Variants in FAM20A observed in about 807,000 individuals in gnomAD.
FAM20A encodes pseudokinase FAM20A.
In FAM20A, 42 loss-of-function variants were observed where a neutral mutation model predicts 52.0. That is an observed-to-expected ratio of 0.81 (90% CI 0.63 to 1.04). The LOEUF (loss-of-function observed/expected upper bound fraction) is 1.04. FAM20A is among the 50% of genes least tolerant of loss of function. The probability of loss-of-function intolerance (pLI) is 0.00; values close to 1 mark genes in which losing one functional copy is unlikely to be tolerated. For missense variants in FAM20A, 742 were observed against 712.7 expected (o/e 1.04, Z -0.47); for synonymous variants, 304 against 298.9 (o/e 1.02, Z -0.18).
intron 1 of FAM20A, among the ~76,000 whole-genome samples, chr17:68,584,178 G>A (rs2088097775): frequency 6.6e-6 from 1 of 152,022 alleles, no homozygotes; most frequent in Admixed American, 6.6e-5. Flanking sequence ...TTAGCCAGGT[G>A]TGGTGGCACA....
In FAM20A at chr17:68,600,814, C is replaced by T. The variant is rs1011106211; in HGVS notation, c.-148G>A. On this transcript the variant is annotated 5_prime_UTR_variant, in exon 1 of 11. Transcript: ENST00000592554. This position sits in a 1 kb window ranked among gnomAD's most constrained non-coding sequence, Gnocchi z 6.2. ...CGGAATGCTCCCCGCGCGGGCTAGT[C>T]CCCTGTGGAGGGGTGTCGCTCCTCA... 43 of 854,682 alleles carry T rather than the reference C, an allele frequency of 5.0e-5. No individual in the cohort carries two copies. The highest frequency in any genetic ancestry group is 6.9e-5 in the Non-Finnish European group (40 of 575,614). The allele number at this position is 854,682 out of a possible 1,614,324, so 52.9% of individuals were successfully genotyped here.
At position 68,542,011 on chromosome 17, in the gene FAM20A, G is replaced by A. The variant is rs988700784; in HGVS notation, c.1083C>T (p.Arg361=). The A allele has an allele frequency of 6.2e-7, 1 of 1,614,062 alleles. No individual in the cohort carries two copies. The highest frequency in any genetic ancestry group is 8.5e-7 in the Non-Finnish European group (1 of 1,179,964). ...PRLSVPNPWI[R]SYTLAGKEEW... The stretch of plus-strand genomic sequence containing the variant: ...CCTCTTTTCCTGCCAGTGTGTAGGA[G>A]CGGATCCAGGGGTTGGGCACAGACA... Residue 361 remains arginine, a synonymous_variant, in exon 7 of 11, where the codon CGC becomes CGT. Coordinates refer to ENST00000592554, the MANE Select transcript of FAM20A (RefSeq NM_017565.4).
chr17:68,540,010 G>A, intron 8 of FAM20A, 44 bp from the exon 9 acceptor site: 1 of 1,566,110 alleles, frequency 6.4e-7, no homozygotes, highest in Non-Finnish European at 8.8e-7. Flanking sequence ...CAGGCCAGGG[G>A]GACAGGTGCT....
chr17:68,600,706 G>A lies in FAM20A; in HGVS notation c.-40C>T, dbSNP rs1469526713. 1.3e-6 allele frequency: 2 copies of A among 1,524,486 alleles called. No individual in the cohort carries two copies. Among genetic ancestry groups the A allele is most frequent in the African/African-American group, 2.8e-5 (2 of 72,076 alleles). 94.4% of individuals were successfully genotyped at this position (1,524,486 alleles called of 1,614,324 possible). ...GGGGGACGCCGGGGGCAGGCCGGCT[G>A]TCTCCGGGGTCCCGGGAGGGGTCGC... On this transcript the variant is annotated 5_prime_UTR_variant, in exon 1 of 11. Coordinates refer to ENST00000592554, the MANE Select transcript of FAM20A (RefSeq NM_017565.4). The surrounding 1 kb of genome is among the most constrained non-coding windows in gnomAD (Gnocchi z 6.2).
intron 4 of FAM20A, chr17:68,551,138 A>T (rs1361748864): frequency 8.1e-7 from 1 of 1,233,642 alleles, no homozygotes; most frequent in African/African-American, 1.6e-5. Flanking sequence ...ACTGGGGCCG[A>T]ACTCTAGGAG....
chr17:68,597,043 G>T (rs2088472381), intron 1 of FAM20A, among the ~76,000 whole-genome samples: 1 of 152,070 alleles, frequency 6.6e-6, no homozygotes, highest in African/African-American at 2.4e-5. Flanking sequence ...AAAAACCCAA[G>T]ACATTCAAAA....
At chr17:68,570,458 T>C (rs2087507340) in intron 1 of FAM20A, among the ~76,000 whole-genome samples, 2 of 152,218 alleles carry the variant, frequency 1.3e-5, no homozygotes, top group Admixed American at 6.5e-5. Flanking sequence ...GGAGAACGAC[T>C]TTCTGTATTT....
rs1298569805 is a variant in FAM20A at position 68,541,981 on chromosome 17, T to C, written c.1109+4A>G. ...TGGGCTGTGTGGCCTGGGGACCAAC[T>C]CACTCCTCTTTTCCTGCCAGTGTGT... On this transcript the variant is annotated splice_donor_region_variant and intron_variant, in intron 7 of 10. Coordinates refer to ENST00000592554, the MANE Select transcript of FAM20A (RefSeq NM_017565.4). 1.9e-6 allele frequency: 3 copies of C among 1,612,622 alleles called. No homozygotes were observed. Among genetic ancestry groups the C allele is most frequent in the Non-Finnish European group, 1.7e-6 (2 of 1,179,132 alleles).
chr17:68,540,576 AT>A (rs1568719653), intron 8 of FAM20A: 2 of 552,666 alleles, frequency 3.6e-6, no homozygotes, highest in Admixed American at 4.4e-5. Flanking sequence ...TGAAGTGAAC[AT>A]ACAGCTTCCA....
In FAM20A at chr17:68,555,636, T is replaced by C. The variant is rs760899112; in HGVS notation, c.512A>G (p.His171Arg). ...AGGGCTGGACCGGGAGTAGAGCCCATGGCGGTTAATACCCAGGTGGAACTG... is the reference window on the plus strand; with the variant it reads ...AGGGCTGGACCGGGAGTAGAGCCCACGGCGGTTAATACCCAGGTGGAACTG... ...WVQFHLGINR[H>R]GLYSRSSPVV... is the part of the protein sequence containing the mutation. Residue 171 changes from histidine to arginine, a missense_variant, in exon 2 of 11, where the codon CAT (histidine) becomes CGT (arginine). His to Arg is a conservative substitution (Grantham distance 29). Transcript: ENST00000592554. 9.3e-6 allele frequency: 15 copies of C among 1,613,624 alleles called. No homozygotes were observed. The East Asian group carries it at 1.1e-4, about 12-fold the overall frequency.
At chr17:68,566,939 G>A (rs1356305178) in intron 1 of FAM20A, among the ~76,000 whole-genome samples, 5 of 152,128 alleles carry the variant, frequency 3.3e-5, no homozygotes, top group Non-Finnish European at 5.9e-5. Flanking sequence ...CACTTAGTCC[G>A]TGTCTCCTTT....
At chr17:68,565,747 C>G (rs1176195821) in intron 1 of FAM20A, among the ~76,000 whole-genome samples, 2 of 152,054 alleles carry the variant, frequency 1.3e-5, no homozygotes, top group Non-Finnish European at 2.9e-5. Context: ...CCTTAACCCT[C>G]TTATCTGGAT....
rs1272016959 is a variant in FAM20A, at chr17:68,600,206, C to T, written c.404+57G>A. The T allele has an allele frequency of 2.0e-6, 3 of 1,534,300 alleles. No individual in the cohort carries two copies. Among genetic ancestry groups the T allele is most frequent in the Non-Finnish European group, 1.8e-6 (2 of 1,140,072 alleles). On this transcript the variant is annotated intron_variant, in intron 1 of 10. Transcript: ENST00000592554. This position sits in a 1 kb window ranked among gnomAD's most constrained non-coding sequence, Gnocchi z 6.2. The stretch of plus-strand genomic sequence containing the variant: ...GGCGTCAGGAAACTCGAGACTGGGG[C>T]GCGGGGAGGCCCCGGCCAGAGCGCC...
At chr17:68,541,099 G>A in intron 7 of FAM20A, 141 bp from the exon 8 acceptor site, 1 of 1,324,888 alleles carries the variant, frequency 7.5e-7, no homozygotes, top group Non-Finnish European at 1.0e-6. Flanking sequence ...AATTCAGAAA[G>A]GCCCTGGGCA....
Position 68,576,993 on chromosome 17 carries a change from C to G in FAM20A, c.405-21250G>C, listed in dbSNP as rs554188032. On this transcript the variant is annotated intron_variant, in intron 1 of 10. Coordinates refer to ENST00000592554, the MANE Select transcript of FAM20A (RefSeq NM_017565.4). ...GAAGAATGAAAGAATGATCCCTCAT[C>G]TAAGAGTCCCCAGAGTCCAGTCAGG... 2.0e-5 allele frequency among the ~76,000 whole-genome samples: 3 copies of G among 152,318 alleles called. No homozygotes were observed. The South Asian group carries it at 6.2e-4, about 32-fold the overall frequency.
At chr17:68,550,689 C>T (rs1349964657) in intron 4 of FAM20A, among the ~76,000 whole-genome samples, 1 of 152,110 alleles carries the variant, frequency 6.6e-6, no homozygotes, top group East Asian at 1.9e-4. Context: ...CAGAGGAACT[C>T]TTTATACGGC....
At chr17:68,597,690 A>G (rs765446251) in intron 1 of FAM20A, among the ~76,000 whole-genome samples, 1 of 152,094 alleles carries the variant, frequency 6.6e-6, no homozygotes, top group Non-Finnish European at 1.5e-5. Context: ...TGGCCCTCAT[A>G]TGTTTATAAA....
intron 4 of FAM20A, among the ~76,000 whole-genome samples, chr17:68,548,325 T>C (rs913115731): frequency 1.3e-5 from 2 of 150,964 alleles, no homozygotes; most frequent in Non-Finnish European, 3.0e-5. Flanking sequence ...AGGTCGAGAG[T>C]TCGAGACCAG....
intron 1 of FAM20A, among the ~76,000 whole-genome samples, chr17:68,573,155 C>T (rs1453118499): frequency 6.6e-6 from 1 of 152,152 alleles, no homozygotes; most frequent in Admixed American, 6.5e-5. Context: ...GTTTGTGAAT[C>T]TAGAAAGGGG....
Sources: gnomAD v4.1 joint callset for allele counts (sites outside exome capture counted in the v4.1 genomes callset) on GRCh38, gnomAD v4.1.1 for gene constraint, Gnocchi (gnomAD v3.1) non-coding constraint, MANE v1.5 for transcripts, NCBI Gene and HGNC (gene_info 2026-07-23, HGNC 2026-07-21) for gene names.